The following PDE3B variants were observed in gnomAD, a reference collection of about 807,000 sequenced individuals.
PDE3B encodes cGMP-inhibited 3',5'-cyclic phosphodiesterase 3B.
PDE3B carries 66 observed loss-of-function variants against 116.8 expected under a neutral mutation model. The observed-to-expected ratio is 0.56, with a 90% CI of 0.46 to 0.69. The LOEUF (loss-of-function observed/expected upper bound fraction) is 0.69. PDE3B is among the 30% of genes least tolerant of loss of function. The pLI is 0.00. For missense variants in PDE3B, 1,384 were observed against 1,368.1 expected, an observed-to-expected ratio of 1.01 and a Z score of -0.18; for synonymous variants, 595 against 533.6, an observed-to-expected ratio of 1.12 and a Z score of -1.59.
chr11:14,661,112 G>A (rs193108771), intron 1 of PDE3B, among the ~76,000 whole-genome samples: 31 of 152,308 alleles, frequency 2.0e-4, no homozygotes, highest in Admixed American at 7.8e-4. Context: ...ACAGTGTGAC[G>A]ATTCCTCAGG....
At chr11:14,895,297 G>T in the PDE3B span, among the ~76,000 whole-genome samples, 1 of 152,236 alleles carries the variant, frequency 6.6e-6, no homozygotes, top group African/African-American at 2.4e-5. Flanking sequence ...CAAAGGAAGT[G>T]CCAAGCTGAG....
At chr11:14,857,412 T>A (rs1847871556) in intron 12 of PDE3B, among the ~76,000 whole-genome samples, 1 of 152,234 alleles carries the variant, frequency 6.6e-6, no homozygotes, top group African/African-American at 2.4e-5. Flanking sequence ...AGCATTGACA[T>A]TTGCTTCCTA....
At chr11:14,693,807 T>C (rs1034048473) in intron 1 of PDE3B, among the ~76,000 whole-genome samples, 4 of 152,188 alleles carry the variant, frequency 2.6e-5, no homozygotes, top group African/African-American at 4.8e-5. Flanking sequence ...CAAGGAGTAA[T>C]TTTGACTTTC....
chr11:14,810,568 T>A (rs981102639), intron 5 of PDE3B, among the ~76,000 whole-genome samples: 1 of 151,958 alleles, frequency 6.6e-6, no homozygotes, highest in African/African-American at 2.4e-5. Flanking sequence ...AGTCTATCAT[T>A]GTTGGACATT....
In PDE3B at chr11:14,663,827, T is replaced by A. The variant is rs543384213; in HGVS notation, c.978+18774T>A. On this transcript the variant is annotated intron_variant, in intron 1 of 15. Coordinates refer to ENST00000282096, the MANE Select transcript of PDE3B (RefSeq NM_000922.4). Reference sequence around the variant, plus strand: ...CTCCCACACAATAATAATGGGAGACTTTAACACCCCACTGTCAACATTAGA... The same window carrying A: ...CTCCCACACAATAATAATGGGAGACATTAACACCCCACTGTCAACATTAGA... 2.0e-5 allele frequency among the ~76,000 whole-genome samples: 3 copies of A among 152,272 alleles called. No individual in the cohort carries two copies. The South Asian group carries it at 6.2e-4, about 32-fold the overall frequency.
chr11:14,876,639 C>G (rs563583054), downstream of PDE3B, among the ~76,000 whole-genome samples: 1 of 152,290 alleles, frequency 6.6e-6, no homozygotes, highest in South Asian at 2.1e-4. Context: ...ACACAAAAAA[C>G]AGTTTTCTGG....
intron 1 of PDE3B, among the ~76,000 whole-genome samples, chr11:14,762,907 G>T (rs912903201): frequency 6.6e-6 from 1 of 152,126 alleles, no homozygotes; most frequent in Non-Finnish European, 1.5e-5. Flanking sequence ...TGGGGAGGAA[G>T]GTCAGTTCAG....
At chr11:14,675,890 G>A (rs1854517765) in intron 1 of PDE3B, among the ~76,000 whole-genome samples, 1 of 152,032 alleles carries the variant, frequency 6.6e-6, no homozygotes, top group South Asian at 2.1e-4. Context: ...ATTCATTTCT[G>A]TTGGGTAAAT....
In PDE3B at chr11:14,643,986, C is replaced by G. The variant is rs1214916886; in HGVS notation, c.-90C>G. 9 of 1,377,046 alleles carry G rather than the reference C, an allele frequency of 6.5e-6. No homozygotes were observed. The highest frequency in any genetic ancestry group is 1.7e-5 in the South Asian group (1 of 60,026). 85.3% of individuals were successfully genotyped at this position (1,377,046 alleles called of 1,614,324 possible). A position where few individuals can be genotyped will look rare whatever the true frequency, so the allele number is the denominator to read the frequency against. On this transcript the variant is annotated 5_prime_UTR_variant, in exon 1 of 16. Coordinates refer to ENST00000282096, the MANE Select transcript of PDE3B (RefSeq NM_000922.4). ...ACGGGTTGCGAACCAGGGGGCGCCCCGAACGCGGGGGTTGGGGTCTGGGAG... is the reference window on the plus strand; with the variant it reads ...ACGGGTTGCGAACCAGGGGGCGCCCGGAACGCGGGGGTTGGGGTCTGGGAG...
intron 1 of PDE3B, among the ~76,000 whole-genome samples, chr11:14,649,131 A>T (rs1853494180): frequency 6.6e-6 from 1 of 152,102 alleles, no homozygotes; most frequent in Non-Finnish European, 1.5e-5. Flanking sequence ...AAAAGCATAA[A>T]GTTTGTTTTT....
intron 1 of PDE3B, among the ~76,000 whole-genome samples, chr11:14,734,920 C>T (rs754793133): frequency 6.6e-6 from 1 of 152,170 alleles, no homozygotes; most frequent in African/African-American, 2.4e-5. Flanking sequence ...TTAAGTTTCC[C>T]GAAATATCCC....
chr11:14,799,343 T>A (rs536498339), intron 4 of PDE3B, among the ~76,000 whole-genome samples: 14 of 152,204 alleles, frequency 9.2e-5, no homozygotes, highest in Non-Finnish European at 1.8e-4. Context: ...AGGAGTGTTT[T>A]ACTTCCCATT....
At chr11:14,862,498 G>A (rs991347660) in intron 14 of PDE3B, among the ~76,000 whole-genome samples, 9 of 152,140 alleles carry the variant, frequency 5.9e-5, no homozygotes, top group South Asian at 2.1e-4. Context: ...GAAGAAATCC[G>A]GACAGAGGGC....
intron 4 of PDE3B, among the ~76,000 whole-genome samples, chr11:14,800,149 G>T (rs552494319): frequency 6.6e-6 from 1 of 152,234 alleles, no homozygotes; most frequent in South Asian, 2.1e-4. Flanking sequence ...CTCAGCATTT[G>T]CTTGTCTGTA....
At chr11:14,654,341 T>C (rs1192575898) in intron 1 of PDE3B, among the ~76,000 whole-genome samples, 1 of 152,194 alleles carries the variant, frequency 6.6e-6, no homozygotes. Flanking sequence ...ATGGCAGTTT[T>C]ACTGAAAGGT....
At position 14,758,719 on chromosome 11, in the gene PDE3B, T is replaced by C. The variant is rs938701020; in HGVS notation, c.979-13218T>C. 5.3e-5 allele frequency among the ~76,000 whole-genome samples: 8 copies of C among 151,040 alleles called. 1 individual carries two copies. The highest frequency in any genetic ancestry group is 3.9e-4 in the Admixed American group (6 of 15,192). On this transcript the variant is annotated intron_variant, in intron 1 of 15. Coordinates refer to ENST00000282096, the MANE Select transcript of PDE3B (RefSeq NM_000922.4). The stretch of plus-strand genomic sequence containing the variant: ...GAGATTTTGGGCTGAGACGATGGGG[T>C]TTTCTAGATATACAATCATGTCGTC...
chr11:14,813,694 G>A (rs1308259730), intron 5 of PDE3B, among the ~76,000 whole-genome samples: 1 of 152,120 alleles, frequency 6.6e-6, no homozygotes, highest in African/African-American at 2.4e-5. Flanking sequence ...CTTTGGGGGT[G>A]ATTATTCTGC....
chr11:14,863,620 A>C (rs2133993201), intron 14 of PDE3B, among the ~76,000 whole-genome samples: 1 of 152,356 alleles, frequency 6.6e-6, no homozygotes, highest in South Asian at 2.1e-4. Context: ...CAGAAACCCT[A>C]CAAGCCAGAA....
chr11:14,813,115 A>T (rs1378269944), intron 5 of PDE3B, among the ~76,000 whole-genome samples: 1 of 152,206 alleles, frequency 6.6e-6, no homozygotes, highest in Non-Finnish European at 1.5e-5. Context: ...AATTTCTCTT[A>T]TTTATAAAAT....
Sources: gnomAD v4.1 joint callset for allele counts (sites outside exome capture counted in the v4.1 genomes callset) on GRCh38, gnomAD v4.1.1 for gene constraint, MANE v1.5 for transcripts, NCBI Gene and HGNC (gene_info 2026-07-23, HGNC 2026-07-21) for gene names.